Variants in TMEM132B observed in about 807,000 individuals in gnomAD.
The protein encoded by TMEM132B is transmembrane protein 132B.
TMEM132B carries 18 observed loss-of-function variants against 90.8 expected under a neutral mutation model. The observed-to-expected ratio is 0.20, with a 90% CI of 0.14 to 0.29. The LOEUF (loss-of-function observed/expected upper bound fraction) is 0.29. Among genes scored for constraint, TMEM132B ranks in the 10% least tolerant of loss-of-function variants. The pLI is 1.00. For synonymous variants in TMEM132B, 504 were observed against 523.3 expected (o/e 0.96, Z 0.50); for missense variants, 1,096 against 1,326.8 (o/e 0.83, Z 2.70).
At chr12:125,383,620 ATCT>A (rs1209772831) in intron 2 of TMEM132B, among the ~76,000 whole-genome samples, 1 of 152,172 alleles carries the variant, frequency 6.6e-6, no homozygotes, top group Non-Finnish European at 1.5e-5. Context: ...TTCAATCCCT[ATCT>A]TCTTTAAGTC....
intron 5 of TMEM132B, among the ~76,000 whole-genome samples, chr12:125,589,352 G>T (rs1471883357): frequency 6.6e-6 from 1 of 151,636 alleles, no homozygotes; most frequent in Non-Finnish European, 1.5e-5. Flanking sequence ...CGTAGTGGCG[G>T]GGGCCTGTAG....
intron 4 of TMEM132B, among the ~76,000 whole-genome samples, chr12:125,520,047 A>G (rs1277507930): frequency 6.6e-6 from 1 of 152,164 alleles, no homozygotes; most frequent in African/African-American, 2.4e-5. Context: ...GAAAACTCTA[A>G]AATGCAGATG....
intron 4 of TMEM132B, among the ~76,000 whole-genome samples, chr12:125,534,910 T>A (rs1883757364): frequency 6.6e-6 from 1 of 152,230 alleles, no homozygotes; most frequent in South Asian, 2.1e-4. Flanking sequence ...AAGTGCTCAG[T>A]GTCCACATGG....
intron 1 of TMEM132B, among the ~76,000 whole-genome samples, chr12:125,240,430 A>T (rs1042376767): frequency 6.6e-6 from 1 of 152,112 alleles, no homozygotes; most frequent in Non-Finnish European, 1.5e-5. Context: ...TCAGTAGTGC[A>T]TTTTATGGGC....
chr12:125,601,423 A>G (rs1207708496), intron 5 of TMEM132B, among the ~76,000 whole-genome samples: 1 of 152,204 alleles, frequency 6.6e-6, no homozygotes. Flanking sequence ...CAATTAGAAC[A>G]AAGAGACAAT....
Position 125,654,230 on chromosome 12 carries a change from C to T in TMEM132B, c.2772C>T (p.Cys924=), listed in dbSNP as rs200940370. ...CCATTCTGGTCTTCTTGATCAACTGCGTGGCGTTTGCCTGGAAATACAGAC... is the reference window on the plus strand; with the variant it reads ...CCATTCTGGTCTTCTTGATCAACTGTGTGGCGTTTGCCTGGAAATACAGAC... ...CLAILVFLIN[C]VAFAWKYRHK... The change falls in exon 9 of 9, where the codon TGC becomes TGT. Residue 924 remains cysteine, a synonymous_variant. Coordinates refer to ENST00000682704, the MANE Select transcript of TMEM132B (RefSeq NM_001366854.1). This position sits in a 1 kb window ranked among gnomAD's most constrained non-coding sequence, Gnocchi z 5.8. The T allele has an allele frequency of 3.1e-5, 50 of 1,614,172 alleles. No individual in the cohort carries two copies. The highest frequency in any genetic ancestry group is 2.2e-4 in the Admixed American group (13 of 60,024).
In TMEM132B at chr12:125,349,498, G is replaced by A. The variant is rs200485633; in HGVS notation, c.114G>A (p.Ser38=). ...TGGATAGCCTGCAGAAGTTTTCCTC[G>A]CTCCCTGCTTACCTCCCCACGAACT... ...GIVDSLQKFS[S]LPAYLPTNLH... Residue 38 remains serine, a synonymous_variant, in exon 2 of 9, where the codon TCG becomes TCA. Transcript: ENST00000682704. This position sits in a 1 kb window ranked among gnomAD's most constrained non-coding sequence, Gnocchi z 4.1. The A allele has an allele frequency of 6.2e-6, 10 of 1,613,664 alleles. No individual in the cohort carries two copies. Among genetic ancestry groups the A allele is most frequent in the East Asian group, 4.5e-5 (2 of 44,882 alleles).
intron 3 of TMEM132B, among the ~76,000 whole-genome samples, chr12:125,435,203 C>T (rs1880665716): frequency 6.6e-6 from 1 of 152,240 alleles, no homozygotes; most frequent in Non-Finnish European, 1.5e-5. Flanking sequence ...CCCCATCTCA[C>T]ATCCCTGGCT....
chr12:125,195,618 T>G (rs1026702189), intron 1 of TMEM132B, among the ~76,000 whole-genome samples: 6 of 152,052 alleles, frequency 3.9e-5, no homozygotes, highest in Non-Finnish European at 1.5e-5. Context: ...CAGGCTGGTC[T>G]CGAACTCCTG....
At chr12:125,224,585 G>C (rs1393978285) in intron 1 of TMEM132B, among the ~76,000 whole-genome samples, 2 of 152,222 alleles carry the variant, frequency 1.3e-5, no homozygotes, top group African/African-American at 4.8e-5. Context: ...GATTGGAGCT[G>C]CCCAGGCAGA....
chr12:125,560,717 C>T lies in TMEM132B; in HGVS notation c.1294-23134C>T, dbSNP rs531499179. Among the ~76,000 whole-genome samples the T allele has an allele frequency of 8.7e-4, 129 of 148,596 alleles. 1 individual carries two copies. Among genetic ancestry groups the T allele is most frequent in the African/African-American group, 2.8e-3 (114 of 40,540 alleles). ...GCGGGTGCCTGTAGTCCCAGCTACT[C>T]GGGAGGCTGAGGCAGGACAATGGCG... On this transcript the variant is annotated intron_variant, in intron 4 of 8. Transcript: ENST00000682704.
rs1431946681 is a variant in TMEM132B, at chr12:125,661,116, C to G, written c.*6406C>G. The G allele has an allele frequency of 6.6e-6, 1 of 152,234 alleles. No individual in the cohort carries two copies. Among genetic ancestry groups the G allele is most frequent in the Non-Finnish European group, 1.5e-5 (1 of 68,054 alleles). The allele number at this position is 152,234 out of a possible 1,614,324, so 9.4% of individuals were successfully genotyped here. On this transcript the variant is annotated 3_prime_UTR_variant, in exon 9 of 9. Coordinates refer to ENST00000682704, the MANE Select transcript of TMEM132B (RefSeq NM_001366854.1). Reference sequence around the variant, plus strand: ...ATTGTAAGGCTGGAGCTGAAATAGTCTGCCACGTTATTGTTATCTCCTTTG... The same window carrying G: ...ATTGTAAGGCTGGAGCTGAAATAGTGTGCCACGTTATTGTTATCTCCTTTG...
At chr12:125,295,935 G>A (rs902260326) in intron 1 of TMEM132B, among the ~76,000 whole-genome samples, 2 of 152,150 alleles carry the variant, frequency 1.3e-5, no homozygotes, top group African/African-American at 4.8e-5. Flanking sequence ...AGAGTAACAG[G>A]TTCTGATTTT....
At chr12:125,593,723 A>G (rs1885374129) in intron 5 of TMEM132B, among the ~76,000 whole-genome samples, 1 of 152,210 alleles carries the variant, frequency 6.6e-6, no homozygotes, top group African/African-American at 2.4e-5. Context: ...TGATGCTTGA[A>G]AAAATGTCAG....
chr12:125,589,221 G>C (rs188659302), intron 5 of TMEM132B, among the ~76,000 whole-genome samples: 2 of 151,952 alleles, frequency 1.3e-5, no homozygotes, highest in East Asian at 1.9e-4. Flanking sequence ...GGTGGCTCAC[G>C]CCTGTAATCC....
intron 1 of TMEM132B, among the ~76,000 whole-genome samples, chr12:125,200,738 C>A (rs917212139): frequency 1.3e-5 from 2 of 152,150 alleles, no homozygotes; most frequent in African/African-American, 4.8e-5. Flanking sequence ...AAATGTCGAG[C>A]CTAGGGGCAG....
chr12:125,295,948 T>C (rs1212987527), intron 1 of TMEM132B, among the ~76,000 whole-genome samples: 1 of 152,228 alleles, frequency 6.6e-6, no homozygotes, highest in Non-Finnish European at 1.5e-5. Flanking sequence ...CTGATTTTAA[T>C]TGAACACTTT....
chr12:125,636,877 C>A (rs923696696), intron 5 of TMEM132B, among the ~76,000 whole-genome samples: 1 of 152,136 alleles, frequency 6.6e-6, no homozygotes, highest in African/African-American at 2.4e-5. Flanking sequence ...GGTGCAAACT[C>A]CCCTGTATTT....
rs7133500 is a variant in TMEM132B at position 125,578,903 on chromosome 12, T to G, written c.1294-4948T>G. On this transcript the variant is annotated intron_variant, in intron 4 of 8. Coordinates refer to ENST00000682704, the MANE Select transcript of TMEM132B (RefSeq NM_001366854.1). ...ATTTTGGTATTTGACAGTTTGATTA[T>G]GATGTATCTAGGTGCGGATCTCTCT... Among the ~76,000 whole-genome samples, 886 of 152,330 alleles carry G rather than the reference T, an allele frequency of 5.8e-3. 5 individuals are homozygous for G. The highest frequency in any genetic ancestry group is 0.02 in the African/African-American group (851 of 41,584).
Sources: gnomAD v4.1 joint callset for allele counts (sites outside exome capture counted in the v4.1 genomes callset) on GRCh38, gnomAD v4.1.1 for gene constraint, Gnocchi (gnomAD v3.1) non-coding constraint, MANE v1.5 for transcripts, NCBI Gene and HGNC (gene_info 2026-07-23, HGNC 2026-07-21) for gene names.